OTOA: variants seen among roughly 807,000 people sequenced by gnomAD.
OTOA encodes cancer/testis antigen 108.
Under a neutral mutation model 110.8 loss-of-function variants are expected in OTOA, and 70 were observed. The observed-to-expected ratio is 0.63, with a 90% CI of 0.52 to 0.77. The LOEUF (loss-of-function observed/expected upper bound fraction) is 0.77. OTOA is among the 30% of genes least tolerant of loss of function. The pLI, the probability that OTOA is intolerant of heterozygous loss-of-function variation, is 0.00. For missense variants in OTOA, 917 were observed against 1,075.8 expected, an observed-to-expected ratio of 0.85 and a Z score of 2.06; for synonymous variants, 373 against 431.5, an observed-to-expected ratio of 0.86 and a Z score of 1.68.
intron 8 of OTOA, among the ~76,000 whole-genome samples, chr16:21,690,856 T>C (rs1321815550): frequency 6.6e-6 from 1 of 152,048 alleles, no homozygotes; most frequent in East Asian, 1.9e-4. Flanking sequence ...AGGGTACATG[T>C]GCACAACGTG....
At chr16:21,681,584 G>A (rs1966892688) in intron 5 of OTOA, among the ~76,000 whole-genome samples, 154 bp from the exon 6 acceptor site, 1 of 152,024 alleles carries the variant, frequency 6.6e-6, no homozygotes, top group Non-Finnish European at 1.5e-5. Context: ...AAAGAAAAAA[G>A]GAAAGAAAAG....
chr16:21,744,303 C>T (rs1308528449), intron 23 of OTOA, among the ~76,000 whole-genome samples: 1 of 152,262 alleles, frequency 6.6e-6, no homozygotes, highest in African/African-American at 2.4e-5. Flanking sequence ...CCATGCACAG[C>T]TAATTTTTTT....
In OTOA at chr16:21,664,758, G is replaced by A. The variant is rs751742605; in HGVS notation, c.-5+526G>A. Among the ~76,000 whole-genome samples the A allele has an allele frequency of 6.0e-4, 91 of 151,898 alleles. 1 individual carries two copies. The highest frequency in any genetic ancestry group is 1.2e-3 in the Non-Finnish European group (80 of 67,980). On this transcript the variant is annotated intron_variant, in intron 1 of 28. Transcript: ENST00000646100. ...AGGCTGAGGCAGGAGAATCACTTGA[G>A]GCCAGGAGTTCGAGACCAGCCTGGC...
chr16:21,682,921 C>A (rs912160571), intron 6 of OTOA, among the ~76,000 whole-genome samples: 1 of 152,202 alleles, frequency 6.6e-6, no homozygotes, highest in Non-Finnish European at 1.5e-5. Context: ...CCCCACATGG[C>A]ATCTGCTTTT....
chr16:21,709,548 C>G (rs563308496), intron 12 of OTOA, among the ~76,000 whole-genome samples: 2 of 151,962 alleles, frequency 1.3e-5, no homozygotes, highest in Non-Finnish European at 2.9e-5. Context: ...TTCAAGGTCA[C>G]CAGAGGACAA....
intron 6 of OTOA, among the ~76,000 whole-genome samples, chr16:21,682,142 C>A: frequency 6.6e-6 from 1 of 152,122 alleles, no homozygotes; most frequent in South Asian, 2.1e-4. Context: ...GTGGGAAAGC[C>A]ACAGAGAAAA....
At chr16:21,680,388 C>A (rs1038943493) in intron 5 of OTOA, among the ~76,000 whole-genome samples, 3 of 152,018 alleles carry the variant, frequency 2.0e-5, no homozygotes, top group African/African-American at 7.3e-5. Flanking sequence ...GTGGTGCATA[C>A]CTGTAGTCCC....
At chr16:21,680,424 G>A (rs1477888405) in intron 5 of OTOA, among the ~76,000 whole-genome samples, 1 of 152,122 alleles carries the variant, frequency 6.6e-6, no homozygotes, top group African/African-American at 2.4e-5. Context: ...TGAGGCAGGA[G>A]GATCACTTGA....
At chr16:21,707,677 C>A (rs200627263) in intron 12 of OTOA, among the ~76,000 whole-genome samples, 1 of 141,818 alleles carries the variant, frequency 7.1e-6, no homozygotes, top group Non-Finnish European at 1.5e-5. Flanking sequence ...CTCTTTCTGT[C>A]TCTCTCTTTC....
intron 13 of OTOA, among the ~76,000 whole-genome samples, chr16:21,710,732 G>A (rs1167423722): frequency 6.6e-6 from 1 of 152,178 alleles, no homozygotes; most frequent in Non-Finnish European, 1.5e-5. Context: ...GCCGGGCAAG[G>A]TGGCTCACAC....
rs763916468 is a variant in OTOA at position 21,691,646 on chromosome 16, C to G, written c.698C>G (p.Ser233Cys). ...TSAHSQRALY[S>C]WMTGILQTSS... ...GCTCATTCCCAGAGAGCTCTCTATT[C>G]CTGGATGACTGGAATACTGCAGACA... The change falls in exon 9 of 29, where the codon TCC becomes TGC. Residue 233 changes from serine to cysteine, a missense_variant. Transcript: ENST00000646100. 1.2e-6 allele frequency: 2 copies of G among 1,613,954 alleles called. No individual in the cohort carries two copies. The highest frequency in any genetic ancestry group is 1.7e-6 in the Non-Finnish European group (2 of 1,179,918).
At chr16:21,720,656 T>A (rs971294926) in intron 17 of OTOA, among the ~76,000 whole-genome samples, 2 of 152,166 alleles carry the variant, frequency 1.3e-5, no homozygotes, top group Non-Finnish European at 2.9e-5. Flanking sequence ...CCTAATACTT[T>A]GCATTTCTAA....
Position 21,719,174 on chromosome 16 carries a change from G to C in OTOA, c.1671G>C (p.Arg557Ser). Residue 557 changes from arginine to serine, a missense_variant, in exon 16 of 29, where the codon AGG (arginine) becomes AGC (serine). Arg to Ser is a moderately radical substitution (Grantham distance 110). Around this residue, in one of 6 missense-constraint regions of OTOA, gnomAD observed 840 missense variants for 910.2 expected, o/e 0.92. Coordinates refer to ENST00000646100, the MANE Select transcript of OTOA (RefSeq NM_144672.4). ...LYELLLKTTRRPEELLSAGQL... is the reference protein window; with the variant it reads ...LYELLLKTTRSPEELLSAGQL... ...AGCTTCTGTTAAAGACCACCAGAAG[G>C]CCTGAGGAGCTTTTGAGGTAGGAAA... The C allele has an allele frequency of 6.2e-7, 1 of 1,614,088 alleles. No individual in the cohort carries two copies. Among genetic ancestry groups the C allele is most frequent in the South Asian group, 1.1e-5 (1 of 91,072 alleles).
chr16:21,670,795 G>A (rs1474201686), intron 1 of OTOA, among the ~76,000 whole-genome samples: 1 of 152,128 alleles, frequency 6.6e-6, no homozygotes, highest in African/African-American at 2.4e-5. Flanking sequence ...TAATTGCTTT[G>A]GCCTGGTCAG....
At chr16:21,717,782 C>T (rs746214132) in intron 15 of OTOA, among the ~76,000 whole-genome samples, 3 of 152,054 alleles carry the variant, frequency 2.0e-5, no homozygotes, top group Non-Finnish European at 2.9e-5. Context: ...CCCAACAGTG[C>T]GCCAGGCACT....
Position 21,722,997 on chromosome 16 carries a change from C to T in OTOA, c.1880+19C>T, listed in dbSNP as rs769559657. ...CACTCCCGTAAGTGAACATCAGCCC[C>T]CACCTTCTGGCTCATCAGTGAGATC... On this transcript the variant is annotated intron_variant, in intron 18 of 28. Coordinates refer to ENST00000646100, the MANE Select transcript of OTOA (RefSeq NM_144672.4). 2.5e-6 allele frequency: 4 copies of T among 1,611,952 alleles called. No individual in the cohort carries two copies. The African/African-American group carries it at 4.0e-5, about 16-fold the overall frequency.
chr16:21,701,657 C>T (rs1313078710), intron 11 of OTOA, among the ~76,000 whole-genome samples: 1 of 152,110 alleles, frequency 6.6e-6, no homozygotes, highest in Non-Finnish European at 1.5e-5. Context: ...CTTGTCCTGT[C>T]ACCCAGGCTG....
chr16:21,669,461 C>G (rs1966846260), intron 1 of OTOA, among the ~76,000 whole-genome samples: 1 of 152,098 alleles, frequency 6.6e-6, no homozygotes, highest in African/African-American at 2.4e-5. Context: ...CCTGCAGGCT[C>G]AAACATCAAA....
Position 21,705,269 on chromosome 16 carries a change from G to A in OTOA, c.1081G>A (p.Gly361Ser), listed in dbSNP as rs1207597323. 2.5e-6 allele frequency: 4 copies of A among 1,613,910 alleles called. No homozygotes were observed. Among genetic ancestry groups the A allele is most frequent in the Non-Finnish European group, 3.4e-6 (4 of 1,180,022 alleles). ...GATGATCAAGTGCAGCCACCTGAGG[G>A]GCTTCCAGGCTGGCGTCCAGAAGGT... is the stretch of plus-strand genomic sequence containing the variant. ...YQMIKCSHLR[G>S]FQAGVQKLKA... The change falls in exon 12 of 29, where the codon GGC (glycine) becomes AGC (serine). Residue 361 changes from glycine to serine, a missense_variant. Physicochemically the swap from Gly to Ser is moderately conservative, Grantham distance 56. Transcript: ENST00000646100.
Sources: gnomAD v4.1 joint callset for allele counts (sites outside exome capture counted in the v4.1 genomes callset) on GRCh38, gnomAD v4.1.1 for gene constraint, gnomAD v4.1.1 regional missense constraint, MANE v1.5 for transcripts, NCBI Gene and HGNC (gene_info 2026-07-23, HGNC 2026-07-21) for gene names.